ABCA4: variants seen among roughly 807,000 people sequenced by gnomAD.
ABCA4 encodes retinal-specific phospholipid-transporting ATPase ABCA4.
In ABCA4, 196 loss-of-function variants were observed where a neutral mutation model predicts 263.7. The observed-to-expected ratio is 0.74, with a 90% confidence interval of 0.66 to 0.84. ABCA4 has a LOEUF of 0.84. ABCA4 is among the 40% of genes least tolerant of loss of function. The pLI, the probability that ABCA4 is intolerant of heterozygous loss-of-function variation, is 0.00. For synonymous variants in ABCA4, 1,133 were observed against 1,094.2 expected (o/e 1.04, Z -0.70); for missense variants, 2,792 against 2,855.1 (o/e 0.98, Z 0.50).
At position 94,025,078 on chromosome 1, in the gene ABCA4, C is replaced by T. The variant is rs914473741; in HGVS notation, c.4540-30G>A. The T allele has an allele frequency of 7.6e-6, 12 of 1,584,866 alleles. No individual in the cohort carries two copies. In the African/African-American group the frequency reaches 1.6e-4, roughly 21 times the overall value. ...GGCAATGAGACACCCACGTTAATTA[C>T]CTTGGAACTTGAGGACTTATAAGTA... On this transcript the variant is annotated intron_variant, in intron 30 of 49. Transcript: ENST00000370225.
chr1:93,996,191 A>C lies in ABCA4; in HGVS notation c.6734T>G (p.Phe2245Cys). The C allele has an allele frequency of 1.2e-6, 2 of 1,612,614 alleles. No homozygotes were observed. The highest frequency in any genetic ancestry group is 2.2e-5 in the South Asian group (2 of 91,072). Residue 2245 changes from phenylalanine (F) to cysteine (C), a missense_variant, in exon 49 of 50, where the codon TTT (phenylalanine) becomes TGT (cysteine). By Grantham distance (205) the Phe-to-Cys change is radical. Coordinates refer to ENST00000370225, the MANE Select transcript of ABCA4 (RefSeq NM_000350.3). ...SVTQTTLDQV[F>C]VNFAKQQTES... is the part of the protein sequence containing the mutation. Reference sequence around the variant, plus strand: ...AGTCTGCTGTTTAGCAAAATTTACAAACACCTAGAGGTAAGAGAAGAGCGA... The same window carrying C: ...AGTCTGCTGTTTAGCAAAATTTACACACACCTAGAGGTAAGAGAAGAGCGA...
intron 6 of ABCA4, among the ~76,000 whole-genome samples, chr1:94,094,094 T>G (rs1400252768): frequency 1.3e-5 from 2 of 152,172 alleles, no homozygotes; most frequent in Non-Finnish European, 2.9e-5. Context: ...AGTCATGACA[T>G]CAAGTCATTA....
intron 11 of ABCA4, among the ~76,000 whole-genome samples, chr1:94,075,327 A>G (rs1339986143): frequency 6.6e-6 from 1 of 152,036 alleles, no homozygotes. Flanking sequence ...ACTTAAGGTA[A>G]AATAAAGAAA....
intron 30 of ABCA4, among the ~76,000 whole-genome samples, chr1:94,029,105 C>T (rs1005316798): frequency 1.1e-4 from 12 of 105,054 alleles, no homozygotes; most frequent in African/African-American, 4.6e-4. Flanking sequence ...TATATCCAAG[C>T]GATGATTTTT....
intron 11 of ABCA4, among the ~76,000 whole-genome samples, chr1:94,068,010 A>G (rs1042045955): frequency 1.3e-5 from 2 of 152,210 alleles, no homozygotes; most frequent in Non-Finnish European, 2.9e-5. Flanking sequence ...AGCCCCAGCC[A>G]GGTTACCTTT....
chr1:94,081,618 G>A (rs536368012), intron 7 of ABCA4, among the ~76,000 whole-genome samples: 12 of 152,220 alleles, frequency 7.9e-5, no homozygotes, highest in Non-Finnish European at 1.3e-4. Context: ...GTGTGTGCAC[G>A]CCTGTGTGTG....
chr1:94,099,392 C>T (rs935429891), intron 5 of ABCA4, among the ~76,000 whole-genome samples: 1 of 152,222 alleles, frequency 6.6e-6, no homozygotes, highest in African/African-American at 2.4e-5. Flanking sequence ...TGCTGATGCC[C>T]TAACTTTCAG....
chr1:94,079,369 T>C lies in ABCA4; in HGVS notation c.1192A>G (p.Ile398Val), dbSNP rs776798532. The C allele has an allele frequency of 1.2e-6, 2 of 1,614,084 alleles. No homozygotes were observed. The highest frequency in any genetic ancestry group is 1.7e-6 in the Non-Finnish European group (2 of 1,180,024). Reference protein sequence around the residue: ...RAAKPLLMGKILYTPDSPAAR... With the variant: ...RAAKPLLMGKVLYTPDSPAAR... The stretch of plus-strand genomic sequence containing the variant: ...GCAGGTGAATCAGGAGTGTACAGGA[T>C]TTTTCCCATCAGCAAAGGCTTTGCC... The change falls in exon 9 of 50, where the codon ATC becomes GTC. Residue 398 changes from isoleucine (I) to valine (V), a missense_variant. Coordinates refer to ENST00000370225, the MANE Select transcript of ABCA4 (RefSeq NM_000350.3).
chr1:94,100,422 G>C (rs1570424220), intron 5 of ABCA4, among the ~76,000 whole-genome samples: 1 of 152,214 alleles, frequency 6.6e-6, no homozygotes, highest in East Asian at 1.9e-4. Flanking sequence ...GAGAGGCACA[G>C]AGTGGTTAAT....
intron 11 of ABCA4, among the ~76,000 whole-genome samples, chr1:94,073,395 C>T (rs1195224983): frequency 1.3e-5 from 2 of 152,246 alleles, no homozygotes; most frequent in East Asian, 1.9e-4. Context: ...TGATTTGCAG[C>T]GTTGTGATTC....
chr1:94,082,087 G>A (rs1459447354), intron 7 of ABCA4, among the ~76,000 whole-genome samples: 3 of 152,050 alleles, frequency 2.0e-5, no homozygotes, highest in Non-Finnish European at 2.9e-5. Flanking sequence ...ATGAGCCCAG[G>A]GAGAATCCAC....
intron 44 of ABCA4, among the ~76,000 whole-genome samples, chr1:94,004,622 G>T (rs72956569): frequency 0.019 from 2,946 of 152,194 alleles, 109 homozygotes; most frequent in African/African-American, 0.067. Context: ...TATTTAGTTT[G>T]CTGTCAGTGT....
chr1:94,021,443 C>G lies in ABCA4; in HGVS notation c.4849-34G>C. 4 of 1,613,548 alleles carry G rather than the reference C, an allele frequency of 2.5e-6. No individual in the cohort carries two copies. In the South Asian group the frequency reaches 3.3e-5, roughly 13 times the overall value. ...TGGAGAGGACATCTGAGACGCTGCA[C>G]TAACAGCTAGTTAAAGCAGAAATCA... On this transcript the variant is annotated intron_variant, in intron 34 of 49. Transcript: ENST00000370225.
At chr1:94,023,512 TCA>T in intron 31 of ABCA4, 94 bp from the exon 32 acceptor site, 1 of 1,132,998 alleles carries the variant, frequency 8.8e-7, no homozygotes, top group East Asian at 2.5e-5. Context: ...GACTGAAGTC[TCA>T]GTCTTCAGGG....
intron 44 of ABCA4, among the ~76,000 whole-genome samples, chr1:94,004,118 G>T (rs1175991376): frequency 6.6e-6 from 1 of 152,102 alleles, no homozygotes; most frequent in Non-Finnish European, 1.5e-5. Context: ...GGCTACTGGG[G>T]TGTTTTTGCT....
chr1:94,008,913 T>G (rs1557762918), intron 40 of ABCA4, 42 bp from the exon 41 acceptor site: 1 of 1,606,650 alleles, frequency 6.2e-7, no homozygotes, highest in Non-Finnish European at 8.5e-7. Flanking sequence ...GGCTGTACAG[T>G]GTCCTTGGCA....
intron 13 of ABCA4, 68 bp downstream of exon 13, chr1:94,062,509 C>T: frequency 6.6e-7 from 1 of 1,507,726 alleles, no homozygotes. Flanking sequence ...GCACCCCCAG[C>T]CCACCCCAGC....
intron 1 of ABCA4, among the ~76,000 whole-genome samples, chr1:94,114,784 G>A (rs1039585454): frequency 6.6e-6 from 1 of 152,214 alleles, no homozygotes; most frequent in Admixed American, 6.5e-5. Context: ...ACCGCGCCTG[G>A]CCCTGGACTT....
rs746512214 is a variant in ABCA4 at position 94,103,149 on chromosome 1, A to C, written c.443-7T>G. 2 of 1,613,652 alleles carry C rather than the reference A, an allele frequency of 1.2e-6. No homozygotes were observed. Among genetic ancestry groups the C allele is most frequent in the South Asian group, 2.2e-5 (2 of 91,052 alleles). On this transcript the variant is annotated splice_region_variant and splice_polypyrimidine_tract_variant and intron_variant, in intron 4 of 49. Transcript: ENST00000370225. ...CTTATTCGTATTCCTCTTCCTACAT[A>C]TGAATAAGAGAAAGAACAGGGTGTT...
Sources: allele counts gnomAD v4.1 joint callset (sites outside exome capture counted in the v4.1 genomes callset), GRCh38; gene constraint gnomAD v4.1.1; transcripts MANE v1.5; gene names NCBI Gene and HGNC (gene_info 2026-07-23, HGNC 2026-07-21).